The following ANKRD13B variants were observed in gnomAD, a reference collection of about 807,000 sequenced individuals.
The protein encoded by ANKRD13B is ankyrin repeat domain-containing protein 13B.
ANKRD13B carries 33 observed loss-of-function variants against 74.4 expected under a neutral mutation model. That is an observed-to-expected ratio of 0.44 (90% CI 0.34 to 0.59). The LOEUF is 0.59. Ranked by LOEUF, ANKRD13B falls within the 20% of genes least tolerant of loss-of-function variation. The probability of loss-of-function intolerance (pLI) is 0.02; values close to 1 mark genes in which losing one functional copy is unlikely to be tolerated. For missense variants in ANKRD13B, 676 were observed against 877.9 expected, an observed-to-expected ratio of 0.77 and a Z score of 2.91; for synonymous variants, 341 against 362.9, an observed-to-expected ratio of 0.94 and a Z score of 0.68.
intron 1 of ANKRD13B, chr17:29,599,567 T>G (rs536972810): frequency 3.3e-5 from 5 of 151,268 alleles, no homozygotes; most frequent in South Asian, 4.2e-4. Flanking sequence ...TTAAAGTTGG[T>G]TTTTTTTTCC....
Position 29,611,641 on chromosome 17 carries a change from G to C in ANKRD13B, c.967G>C (p.Gly323Arg). 1 of 1,614,108 alleles carries C rather than the reference G, an allele frequency of 6.2e-7. No individual in the cohort carries two copies. The highest frequency in any genetic ancestry group is 2.2e-5 in the East Asian group (1 of 44,880). The change falls in exon 9 of 15, where the codon GGG becomes CGG. Residue 323 changes from glycine to arginine, a missense_variant and splice_region_variant. Physicochemically the swap from Gly to Arg is moderately radical, Grantham distance 125. Around this residue, in one of 4 missense-constraint regions of ANKRD13B, gnomAD observed 328 missense variants for 518.4 expected, o/e 0.63. Coordinates refer to ENST00000394859, the MANE Select transcript of ANKRD13B (RefSeq NM_152345.5). This position sits in a 1 kb window ranked among gnomAD's most constrained non-coding sequence, Gnocchi z 4.3. ...TGAGCAGCACGGGGGCCCCCAAAATGGGGTGAGTGTGTGCAGGGGTACCCG... is the reference window on the plus strand; with the variant it reads ...TGAGCAGCACGGGGGCCCCCAAAATCGGGTGAGTGTGTGCAGGGGTACCCG... ...IAEQHGGPQN[G>R]TLITQTLSQA...
Position 29,609,474 on chromosome 17 carries a change from G to A in ANKRD13B, c.822+53G>A. On this transcript the variant is annotated intron_variant, in intron 7 of 14. Transcript: ENST00000394859. This position sits in a 1 kb window ranked among gnomAD's most constrained non-coding sequence, Gnocchi z 4.0. ...CCAGCTGCACTCTTGCCTACAGCAA[G>A]CTGTACAGGGGATTCTGACCTCCCT... 7 of 1,600,154 alleles carry A rather than the reference G, an allele frequency of 4.4e-6. No homozygotes were observed. Among genetic ancestry groups the A allele is most frequent in the Non-Finnish European group, 5.1e-6 (6 of 1,171,042 alleles).
chr17:29,599,938 G>A (rs186272462), intron 1 of ANKRD13B, among the ~76,000 whole-genome samples: 3 of 140,050 alleles, frequency 2.1e-5, no homozygotes, highest in East Asian at 2.2e-4. Flanking sequence ...GTGCAGTGGC[G>A]CAATCTCGGC....
intron 1 of ANKRD13B, among the ~76,000 whole-genome samples, chr17:29,596,060 G>A (rs1026952633): frequency 1.3e-5 from 2 of 152,188 alleles, no homozygotes; most frequent in Non-Finnish European, 2.9e-5. Flanking sequence ...GGTACCAGCC[G>A]CCACAGAAAC....
chr17:29,608,079 G>C lies in ANKRD13B; in HGVS notation c.344G>C (p.Gly115Ala). ...CAGCGGGTGGTGAAGCGGCTGGCGGGCATCCCCGTGCTCCTGGAGAAGCTG... is the reference window on the plus strand; with the variant it reads ...CAGCGGGTGGTGAAGCGGCTGGCGGCCATCCCCGTGCTCCTGGAGAAGCTG... ...DYQRVVKRLA[G>A]IPVLLEKLRK... Residue 115 changes from glycine to alanine, a missense_variant, in exon 3 of 15, where the codon GGC (glycine) becomes GCC (alanine). Gly to Ala is a moderately conservative substitution (Grantham distance 60). Around this residue, in one of 4 missense-constraint regions of ANKRD13B, gnomAD observed 328 missense variants for 518.4 expected, o/e 0.63. Coordinates refer to ENST00000394859, the MANE Select transcript of ANKRD13B (RefSeq NM_152345.5). The surrounding 1 kb of genome is among the most constrained non-coding windows in gnomAD (Gnocchi z 6.4). 1 of 1,612,612 alleles carries C rather than the reference G, an allele frequency of 6.2e-7. No individual in the cohort carries two copies. The highest frequency in any genetic ancestry group is 8.5e-7 in the Non-Finnish European group (1 of 1,179,536).
Position 29,609,594 on chromosome 17 carries a change from A to G in ANKRD13B, c.822+173A>G, listed in dbSNP as rs576707433. ...TCTGGTGTTTTATATGGATGTATGG[A>G]TGTATACACAGGGCACGTGCACACG... On this transcript the variant is annotated intron_variant, in intron 7 of 14. Transcript: ENST00000394859. This position sits in a 1 kb window ranked among gnomAD's most constrained non-coding sequence, Gnocchi z 4.0. Among the ~76,000 whole-genome samples the G allele has an allele frequency of 1.4e-4, 22 of 152,318 alleles. No homozygotes were observed. Among genetic ancestry groups the G allele is most frequent in the Admixed American group, 1.4e-3 (21 of 15,302 alleles).
chr17:29,608,792 T>TGGTCCA lies in ANKRD13B; in HGVS notation c.422-56_422-51dup. The stretch of plus-strand genomic sequence containing the variant: ...GGATCCCAAACCCCATGCCCTGAGC[T>TGGTCCA]GGTCCAGGCCGTGTAGGCCAGACCA... On this transcript the variant is annotated intron_variant, in intron 4 of 14. Transcript: ENST00000394859. The surrounding 1 kb of genome is among the most constrained non-coding windows in gnomAD (Gnocchi z 6.4). 1.2e-6 allele frequency: 2 copies of TGGTCCA among 1,604,844 alleles called. No individual in the cohort carries two copies. The highest frequency in any genetic ancestry group is 1.7e-6 in the Non-Finnish European group (2 of 1,174,350).
chr17:29,608,128 A>G lies in ANKRD13B; in HGVS notation c.375+18A>G. On this transcript the variant is annotated intron_variant, in intron 3 of 14. Coordinates refer to ENST00000394859, the MANE Select transcript of ANKRD13B (RefSeq NM_152345.5). The surrounding 1 kb of genome is among the most constrained non-coding windows in gnomAD (Gnocchi z 6.4). ...TGCGCAAGGTGAGGCCCAGCCTCTC[A>G]GCCTCCACGGGAGCCCTTGAGCCCT... The G allele has an allele frequency of 6.2e-7, 1 of 1,613,646 alleles. No individual in the cohort carries two copies. The highest frequency in any genetic ancestry group is 2.2e-5 in the East Asian group (1 of 44,858).
At chr17:29,607,373 A>G (rs1194327618) in intron 1 of ANKRD13B, among the ~76,000 whole-genome samples, 1 of 152,200 alleles carries the variant, frequency 6.6e-6, no homozygotes, top group Admixed American at 6.5e-5. Flanking sequence ...CTCCTTGGCC[A>G]ACAGCCTCTT....
At chr17:29,595,663 C>T (rs759020556) in intron 1 of ANKRD13B, among the ~76,000 whole-genome samples, 4 of 152,116 alleles carry the variant, frequency 2.6e-5, no homozygotes, top group Non-Finnish European at 5.9e-5. Context: ...AACAAGGTCC[C>T]AGATTCACCC....
chr17:29,607,052 C>A (rs556062677), intron 1 of ANKRD13B, among the ~76,000 whole-genome samples: 2 of 149,990 alleles, frequency 1.3e-5, no homozygotes, highest in Admixed American at 6.6e-5. Context: ...TCCGTCCCCC[C>A]AAAAAAAACA....
chr17:29,611,407 C>T lies in ANKRD13B; in HGVS notation c.905-172C>T, dbSNP rs1294157866. 6.6e-6 allele frequency among the ~76,000 whole-genome samples: 1 copy of T among 152,198 alleles called. No individual in the cohort carries two copies. On this transcript the variant is annotated intron_variant, in intron 8 of 14. Transcript: ENST00000394859. The surrounding 1 kb of genome is among the most constrained non-coding windows in gnomAD (Gnocchi z 4.3). ...GCTCACAGAGGCCCTGGCCCCTGGT[C>T]CTTGAAGCACTCAGTCCCCTTCAGG...
At chr17:29,600,028 C>T (rs1413438370) in intron 1 of ANKRD13B, among the ~76,000 whole-genome samples, 3 of 151,920 alleles carry the variant, frequency 2.0e-5, no homozygotes, top group East Asian at 1.9e-4. Context: ...AGGCGCCCGC[C>T]ACCACGCCCA....
chr17:29,596,015 A>G (rs1433713233), intron 1 of ANKRD13B, among the ~76,000 whole-genome samples: 2 of 152,290 alleles, frequency 1.3e-5, no homozygotes, highest in East Asian at 3.9e-4. Context: ...GAACCCTGGC[A>G]TCCCAGCCAG....
rs1017400507 is a variant in ANKRD13B, at chr17:29,608,397, C to T, written c.421+157C>T. On this transcript the variant is annotated intron_variant, in intron 4 of 14. Coordinates refer to ENST00000394859, the MANE Select transcript of ANKRD13B (RefSeq NM_152345.5). The surrounding 1 kb of genome is among the most constrained non-coding windows in gnomAD (Gnocchi z 6.4). ...CCTCAGCTAGGCCTTTCCAGATTGC[C>T]CCAGATACTGTCTTGACTCCATTAT... 7.2e-5 allele frequency among the ~76,000 whole-genome samples: 11 copies of T among 152,160 alleles called. No individual in the cohort carries two copies. The highest frequency in any genetic ancestry group is 5.9e-4 in the Admixed American group (9 of 15,282).
Position 29,608,902 on chromosome 17 carries a change from G to A in ANKRD13B, c.473G>A (p.Ser158Asn). ...CPSDTYKVWKSGQNLRVDTTL... is the reference protein window; with the variant it reads ...CPSDTYKVWKNGQNLRVDTTL... Reference sequence around the variant, plus strand: ...AGTGACACCTACAAAGTGTGGAAGAGCGGCCAGAACCTGAGGGTAGACACC... The same window carrying A: ...AGTGACACCTACAAAGTGTGGAAGAACGGCCAGAACCTGAGGGTAGACACC... Residue 158 changes from serine (S) to asparagine (N), a missense_variant, in exon 5 of 15, where the codon AGC (serine) becomes AAC (asparagine). By Grantham distance (46) the Ser-to-Asn change is conservative (BLOSUM62 1). Transcript: ENST00000394859. The surrounding 1 kb of genome is among the most constrained non-coding windows in gnomAD (Gnocchi z 6.4). 1 of 1,614,146 alleles carries A rather than the reference G, an allele frequency of 6.2e-7. No homozygotes were observed. Among genetic ancestry groups the A allele is most frequent in the South Asian group, 1.1e-5 (1 of 91,088 alleles).
rs905838592 is a variant in ANKRD13B at position 29,611,604 on chromosome 17, C to T, written c.930C>T (p.Phe310=). 8 of 1,614,056 alleles carry T rather than the reference C, an allele frequency of 5.0e-6. No homozygotes were observed. The highest frequency in any genetic ancestry group is 2.7e-5 in the African/African-American group (2 of 74,928). ...VKGCKTPLQS[F]LGIAEQHGGP... ...GCTGTAAGACACCTTTGCAGTCCTT[C>T]CTGGGAATCGCTGAGCAGCACGGGG... is the stretch of plus-strand genomic sequence containing the variant. Residue 310 remains phenylalanine, a synonymous_variant, in exon 9 of 15, where the codon TTC becomes TTT. Transcript: ENST00000394859. The surrounding 1 kb of genome is among the most constrained non-coding windows in gnomAD (Gnocchi z 4.3).
In ANKRD13B at chr17:29,611,734, T is replaced by G. The variant is rs1360393748; in HGVS notation, c.969+91T>G. 17 of 1,578,488 alleles carry G rather than the reference T, an allele frequency of 1.1e-5. No homozygotes were observed. The highest frequency in any genetic ancestry group is 1.4e-5 in the Non-Finnish European group (16 of 1,150,202). On this transcript the variant is annotated intron_variant, in intron 9 of 14. Transcript: ENST00000394859. The surrounding 1 kb of genome is among the most constrained non-coding windows in gnomAD (Gnocchi z 4.3). ...AGCGTCCTGCTTAGCATGGCCTATG[T>G]GGACCTCCTTTCCACAATGCCCAAG...
chr17:29,614,016 T>TG lies in ANKRD13B; in HGVS notation c.*440dup, dbSNP rs1245232761. 6.1e-6 allele frequency: 1 copy of TG among 163,196 alleles called. No homozygotes were observed. Among genetic ancestry groups the TG allele is most frequent in the Admixed American group, 6.4e-5 (1 of 15,592 alleles). 10.1% of individuals were successfully genotyped at this position (163,196 alleles called of 1,614,324 possible). On this transcript the variant is annotated 3_prime_UTR_variant, in exon 15 of 15. Coordinates refer to ENST00000394859, the MANE Select transcript of ANKRD13B (RefSeq NM_152345.5). ...CCTTTGCATCTCTGCTCTTCACTCC[T>TG]GGGGGGCAGCTGAGCTCCCCGCGTG... is the stretch of plus-strand genomic sequence containing the variant.
Sources: allele counts gnomAD v4.1 joint callset (sites outside exome capture counted in the v4.1 genomes callset), GRCh38; gene constraint gnomAD v4.1.1; regional missense constraint gnomAD v4.1.1; non-coding constraint Gnocchi (gnomAD v3.1); transcripts MANE v1.5; gene names NCBI Gene and HGNC (gene_info 2026-07-23, HGNC 2026-07-21).